XDH: variants seen among roughly 807,000 people sequenced by gnomAD.
XDH encodes xanthine dehydrogenase, also known as xanthine dehydrogenase/oxidase.
In XDH, 138 loss-of-function variants were observed where a neutral mutation model predicts 156.1. The observed-to-expected ratio is 0.88, with a 90% CI of 0.77 to 1.02. XDH has a LOEUF of 1.02. Among genes scored for constraint, XDH ranks in the 50% least tolerant of loss-of-function variants. The pLI is 0.00. For synonymous variants in XDH, 669 were observed against 625.7 expected (o/e 1.07, Z -1.03); for missense variants, 1,849 against 1,684.9 (o/e 1.10, Z -1.71).
At chr2:31,387,304 G>C (rs1301073992) in intron 8 of XDH, among the ~76,000 whole-genome samples, 4 of 152,174 alleles carry the variant, frequency 2.6e-5, no homozygotes, top group Admixed American at 6.5e-5. Flanking sequence ...ATAAATATTA[G>C]AGTGATGGTG....
chr2:31,406,088 G>A, intron 1 of XDH, 124 bp from the exon 2 acceptor site: 1 of 1,096,392 alleles, frequency 9.1e-7, no homozygotes, highest in Non-Finnish European at 1.4e-6. Flanking sequence ...GATATAGTTT[G>A]CACTCTGCCC....
intron 18 of XDH, among the ~76,000 whole-genome samples, chr2:31,369,304 G>A (rs1686006516): frequency 6.6e-6 from 1 of 151,968 alleles, no homozygotes; most frequent in African/African-American, 2.4e-5. Context: ...TCTTAGACTT[G>A]ATGACCCATA....
At chr2:31,377,032 C>T (rs757782868) in intron 14 of XDH, 21 bp downstream of exon 14, 18 of 1,614,014 alleles carry the variant, frequency 1.1e-5, no homozygotes, top group Non-Finnish European at 1.5e-5. Flanking sequence ...GCAGCAGTTT[C>T]ATTGTGCTGT....
chr2:31,386,348 G>T (rs1391079142), intron 9 of XDH, 66 bp downstream of exon 9: 1 of 1,597,418 alleles, frequency 6.3e-7, no homozygotes, highest in Non-Finnish European at 8.5e-7. Flanking sequence ...GGTGAGGATG[G>T]GCAAGAGGAC....
At chr2:31,396,838 T>C (rs1277355522) in intron 6 of XDH, among the ~76,000 whole-genome samples, 1 of 152,196 alleles carries the variant, frequency 6.6e-6, no homozygotes, top group Non-Finnish European at 1.5e-5. Flanking sequence ...TCCATCCTTA[T>C]AAGGTCCTGT....
Position 31,414,671 on chromosome 2 carries a change from A to T in XDH, c.-5T>A. 8 of 1,614,072 alleles carry T rather than the reference A, an allele frequency of 5.0e-6. No homozygotes were observed. Among genetic ancestry groups the T allele is most frequent in the Non-Finnish European group, 6.8e-6 (8 of 1,179,968 alleles). On this transcript the variant is annotated 5_prime_UTR_variant, in exon 1 of 36. Coordinates refer to ENST00000379416, the MANE Select transcript of XDH (RefSeq NM_000379.4). The stretch of plus-strand genomic sequence containing the variant: ...AACCAATTTGTCTGCTGTCATTGTC[A>T]CAGGTTGGGGTCCCCGAACTCCAGG...
intron 25 of XDH, 90 bp downstream of exon 25, chr2:31,349,942 G>GC (rs1372948431): frequency 6.2e-7 from 1 of 1,610,088 alleles, no homozygotes; most frequent in African/African-American, 1.3e-5. Flanking sequence ...CCTGTCATCT[G>GC]CCCCCATGGG....
intron 4 of XDH, among the ~76,000 whole-genome samples, chr2:31,400,296 T>A (rs1482425759): frequency 2.0e-5 from 3 of 147,830 alleles, no homozygotes; most frequent in East Asian, 4.0e-4. Flanking sequence ...TGGAGTCCAG[T>A]GGCACGATCT....
intron 9 of XDH, 109 bp from the exon 10 acceptor site, chr2:31,383,956 C>A: frequency 1.0e-6 from 1 of 960,902 alleles, no homozygotes; most frequent in Non-Finnish European, 1.6e-6. Flanking sequence ...TATCCACAAT[C>A]ATAATATGCT....
rs367726228 is a variant in XDH, at chr2:31,366,893, T to C, written c.2299A>G (p.Thr767Ala). The change falls in exon 21 of 36, where the codon ACA becomes GCA. Residue 767 changes from threonine (T) to alanine (A), a missense_variant. Coordinates refer to ENST00000379416, the MANE Select transcript of XDH (RefSeq NM_000379.4). ...ACCTGGGTCTTCATGGTGTTCTGTG[T>C]AGACACAAAGAGCTCCATCTCCCCT... Reference protein sequence around the residue: ...EAGEMELFVSTQNTMKTQSFV... With the variant: ...EAGEMELFVSAQNTMKTQSFV... The C allele has an allele frequency of 2.5e-6, 4 of 1,614,072 alleles. No homozygotes were observed. Among genetic ancestry groups the C allele is most frequent in the African/African-American group, 1.3e-5 (1 of 74,938 alleles).
At chr2:31,402,906 T>C in intron 3 of XDH, 142 bp downstream of exon 3, 1 of 874,216 alleles carries the variant, frequency 1.1e-6, no homozygotes. Context: ...ATTCTACAGT[T>C]TTCCTGTGCA....
intron 1 of XDH, among the ~76,000 whole-genome samples, chr2:31,412,827 G>T (rs1327109995): frequency 2.0e-5 from 3 of 152,030 alleles, no homozygotes; most frequent in African/African-American, 7.2e-5. Context: ...TTTCTGCATT[G>T]CCCCTCTACC....
chr2:31,366,101 A>G lies in XDH; in HGVS notation c.2331T>C (p.Val777=). Residue 777 remains valine (V), a synonymous_variant, in exon 22 of 36, where the codon GTT becomes GTC. Transcript: ENST00000379416. ...TQNTMKTQSF[V]AKMLGVPANR... Reference sequence around the variant, plus strand: ...TTGCTGGAACCCCCAACATTTTTGCAACAAAGCTCTGTGAGTGAAAGACAG... The same window carrying G: ...TTGCTGGAACCCCCAACATTTTTGCGACAAAGCTCTGTGAGTGAAAGACAG... 2 of 1,614,184 alleles carry G rather than the reference A, an allele frequency of 1.2e-6. No individual in the cohort carries two copies. The highest frequency in any genetic ancestry group is 1.7e-6 in the Non-Finnish European group (2 of 1,180,022).
intron 13 of XDH, among the ~76,000 whole-genome samples, chr2:31,378,766 A>C (rs1686349636): frequency 6.6e-6 from 1 of 152,122 alleles, no homozygotes; most frequent in Admixed American, 6.5e-5. Flanking sequence ...CTTTCATGGA[A>C]GGATGTGTTT....
rs1686409670 is a variant in XDH at position 31,380,536 on chromosome 2, T to C, written c.1133-560A>G. ...TATGTGATGAGCTCCCAAGAAAACCTCTGTCGCTGAGCCTCTAACAAGCTT... is the reference window on the plus strand; with the variant it reads ...TATGTGATGAGCTCCCAAGAAAACCCCTGTCGCTGAGCCTCTAACAAGCTT... On this transcript the variant is annotated intron_variant, in intron 12 of 35. Coordinates refer to ENST00000379416, the MANE Select transcript of XDH (RefSeq NM_000379.4). Among the ~76,000 whole-genome samples, 5 of 152,194 alleles carry C rather than the reference T, an allele frequency of 3.3e-5. No individual in the cohort carries two copies. In the South Asian group the frequency reaches 1.0e-3, roughly 32 times the overall value.
At chr2:31,383,330 G>A (rs1686491465) in intron 10 of XDH, among the ~76,000 whole-genome samples, 178 bp from the exon 11 acceptor site, 2 of 152,134 alleles carry the variant, frequency 1.3e-5, no homozygotes, top group Admixed American at 6.5e-5. Context: ...ATGCCACACA[G>A]CTAATAAAAG....
chr2:31,361,557 C>A (rs1358911190), intron 24 of XDH, among the ~76,000 whole-genome samples: 1 of 152,134 alleles, frequency 6.6e-6, no homozygotes, highest in African/African-American at 2.4e-5. Flanking sequence ...GAACAAAAAA[C>A]AGAAAAATCT....
At chr2:31,369,824 T>C (rs911610200) in intron 18 of XDH, among the ~76,000 whole-genome samples, 5 of 152,222 alleles carry the variant, frequency 3.3e-5, no homozygotes, top group South Asian at 4.1e-4. Context: ...ATTTGCAACA[T>C]TGGATGTCTA....
In XDH at chr2:31,350,055, T is replaced by C. The variant is rs1178823034; in HGVS notation, c.2800A>G (p.Thr934Ala). The change falls in exon 25 of 36, where the codon ACC becomes GCC. Residue 934 changes from threonine to alanine, a missense_variant. Physicochemically the swap from Thr to Ala is moderately conservative, Grantham distance 58. Transcript: ENST00000379416. ...ACCTCCTCTGCAGGCATCCCACAGG[T>C]CACTGCAACTTCACTCATCCAGCAC... ...AECWMSEVAV[T>A]CGMPAEEVRR... is the part of the protein sequence containing the mutation. The C allele has an allele frequency of 6.2e-7, 1 of 1,614,054 alleles. No individual in the cohort carries two copies. Among genetic ancestry groups the C allele is most frequent in the Non-Finnish European group, 8.5e-7 (1 of 1,180,056 alleles).
Sources: allele counts gnomAD v4.1 joint callset (sites outside exome capture counted in the v4.1 genomes callset), GRCh38; gene constraint gnomAD v4.1.1; transcripts MANE v1.5; gene names NCBI Gene and HGNC (gene_info 2026-07-23, HGNC 2026-07-21).